SLC35F3: variants seen among roughly 807,000 people sequenced by gnomAD.
SLC35F3 encodes putative thiamine transporter SLC35F3.
A neutral mutation model predicts 49.9 loss-of-function variants in SLC35F3; 25 were observed. The ratio of observed to expected loss-of-function variants is 0.50; its 90% confidence interval spans 0.37 to 0.70. The LOEUF (loss-of-function observed/expected upper bound fraction) is 0.70, where lower values mean the gene tolerates loss of function less well. Ranked by LOEUF, SLC35F3 falls within the 30% of genes least tolerant of loss-of-function variation. SLC35F3 has a pLI of 0.00. For missense variants in SLC35F3, 525 were observed against 639.8 expected, an observed-to-expected ratio of 0.82 and a Z score of 1.94; for synonymous variants, 275 against 265.4, an observed-to-expected ratio of 1.04 and a Z score of -0.35.
intron 3 of SLC35F3, chr1:234,285,346 A>T: frequency 4.1e-6 from 2 of 483,728 alleles, no homozygotes; most frequent in Admixed American, 4.3e-5. Flanking sequence ...CGCAGGGTTC[A>T]GATGAGGCCA....
intron 2 of SLC35F3, among the ~76,000 whole-genome samples, chr1:234,225,761 C>T (rs1039627628): frequency 2.0e-5 from 3 of 152,140 alleles, no homozygotes; most frequent in South Asian, 2.1e-4. Flanking sequence ...CACAGCAGCC[C>T]CAAACTGAAA....
rs543883480 is a variant in SLC35F3 at position 233,944,819 on chromosome 1, C to G, written c.283+39061C>G. Among the ~76,000 whole-genome samples, 6 of 151,944 alleles carry G rather than the reference C, an allele frequency of 3.9e-5. No homozygotes were observed. The South Asian group carries it at 8.3e-4, about 21-fold the overall frequency. On this transcript the variant is annotated intron_variant, in intron 2 of 7. Coordinates refer to ENST00000366618, the MANE Select transcript of SLC35F3 (RefSeq NM_173508.4). ...GTCTATTGCCAAGAAGCTTGTAAAACCAGCTGCAAAGTTAATGATAAACGA... is the reference window on the plus strand; with the variant it reads ...GTCTATTGCCAAGAAGCTTGTAAAAGCAGCTGCAAAGTTAATGATAAACGA...
At chr1:233,990,285 G>T (rs1663332314) in intron 2 of SLC35F3, among the ~76,000 whole-genome samples, 1 of 152,144 alleles carries the variant, frequency 6.6e-6, no homozygotes, top group Admixed American at 6.5e-5. Flanking sequence ...TTATTTTAGT[G>T]TTTGGAGTGT....
intron 2 of SLC35F3, among the ~76,000 whole-genome samples, chr1:234,106,867 A>G (rs1665292099): frequency 6.6e-6 from 1 of 152,204 alleles, no homozygotes; most frequent in African/African-American, 2.4e-5. Flanking sequence ...GGCAGAATGA[A>G]GAACATTGGT....
chr1:234,239,026 AGCCATTTAAATAACT>A (rs1347864459), intron 3 of SLC35F3, among the ~76,000 whole-genome samples: 1 of 152,250 alleles, frequency 6.6e-6, no homozygotes, highest in African/African-American at 2.4e-5. Context: ...GAAGAATAAC[AGCCATTTAAATAACT>A]GCCATATGAG....
At chr1:234,242,348 G>A (rs1379188852) in intron 3 of SLC35F3, among the ~76,000 whole-genome samples, 2 of 152,186 alleles carry the variant, frequency 1.3e-5, no homozygotes, top group Non-Finnish European at 2.9e-5. Context: ...TCCACAAGGA[G>A]GGTCCCTAGG....
intron 3 of SLC35F3, among the ~76,000 whole-genome samples, chr1:234,247,440 T>C (rs1257836481): frequency 6.6e-6 from 1 of 151,890 alleles, no homozygotes; most frequent in Non-Finnish European, 1.5e-5. Flanking sequence ...GGTTGGTCCA[T>C]TGTTTGGTGG....
At chr1:234,087,619 C>T (rs2102875625) in intron 2 of SLC35F3, among the ~76,000 whole-genome samples, 1 of 152,330 alleles carries the variant, frequency 6.6e-6, no homozygotes, top group Middle Eastern at 3.4e-3. Context: ...ATTCATCAGA[C>T]AACAGCTTTG....
intron 2 of SLC35F3, among the ~76,000 whole-genome samples, chr1:234,052,361 C>G (rs983577646): frequency 6.6e-6 from 1 of 152,128 alleles, no homozygotes; most frequent in Admixed American, 6.5e-5. Flanking sequence ...CTGGTTTAGT[C>G]TTGGGAGGGT....
In SLC35F3 at chr1:233,980,035, G is replaced by T. The variant is rs138771156; in HGVS notation, c.283+74277G>T. 1.6e-3 allele frequency among the ~76,000 whole-genome samples: 247 copies of T among 152,318 alleles called. 2 individuals are homozygous for T. The highest frequency in any genetic ancestry group is 6.8e-3 in the Middle Eastern group (2 of 294). ...ATATAGCCAGGCTTCCTGGCAGGAG[G>T]TAGAGAGGACTGGTATGTTTGAGTT... On this transcript the variant is annotated intron_variant, in intron 2 of 7. Transcript: ENST00000366618.
intron 2 of SLC35F3, among the ~76,000 whole-genome samples, chr1:234,201,177 T>C (rs1358002252): frequency 6.6e-6 from 1 of 152,214 alleles, no homozygotes; most frequent in Non-Finnish European, 1.5e-5. Flanking sequence ...CCAGTGTGAT[T>C]TGATCACTAC....
intron 2 of SLC35F3, chr1:234,026,804 T>A (rs12132984): frequency 0.33 from 49,642 of 152,082 alleles, 9,578 homozygotes; most frequent in Non-Finnish European, 0.45. Context: ...ATGGGAAAAT[T>A]AAATCTGTAC....
At chr1:234,000,994 A>C (rs760469406) in intron 2 of SLC35F3, among the ~76,000 whole-genome samples, 6 of 152,240 alleles carry the variant, frequency 3.9e-5, no homozygotes, top group Admixed American at 2.0e-4. Context: ...TTACGCCAAG[A>C]GGCAGGAGTA....
intron 2 of SLC35F3, among the ~76,000 whole-genome samples, chr1:233,926,466 A>G (rs1662162050): frequency 2.0e-5 from 3 of 152,078 alleles, no homozygotes; most frequent in Admixed American, 2.0e-4. Context: ...TTCTCATGCC[A>G]TAGTTTTCAT....
chr1:234,285,458 T>G, intron 3 of SLC35F3: 1 of 411,474 alleles, frequency 2.4e-6, no homozygotes, highest in Non-Finnish European at 4.8e-6. Context: ...TTCAGCAAGT[T>G]GCAACAGTAA....
At chr1:233,989,094 G>A (rs1236910098) in intron 2 of SLC35F3, among the ~76,000 whole-genome samples, 2 of 152,206 alleles carry the variant, frequency 1.3e-5, no homozygotes, top group African/African-American at 2.4e-5. Flanking sequence ...GATGGTCACA[G>A]ATTACACATA....
chr1:234,119,479 G>A (rs911786982), intron 2 of SLC35F3, among the ~76,000 whole-genome samples: 7 of 152,230 alleles, frequency 4.6e-5, no homozygotes, highest in Admixed American at 2.6e-4. Context: ...TGGGTCCGCC[G>A]TTGGATAGAC....
At chr1:233,964,794 G>A (rs550801564) in intron 2 of SLC35F3, among the ~76,000 whole-genome samples, 26 of 152,288 alleles carry the variant, frequency 1.7e-4, no homozygotes, top group Admixed American at 1.3e-3. Flanking sequence ...TGAGGGCTGT[G>A]CCATCCTGGG....
chr1:234,301,138 TAA>T (rs1486300071), intron 3 of SLC35F3, among the ~76,000 whole-genome samples: 3 of 152,166 alleles, frequency 2.0e-5, no homozygotes, highest in African/African-American at 7.2e-5. Flanking sequence ...TCAGATTTTT[TAA>T]AGTGTCCTGA....
Sources: allele counts gnomAD v4.1 joint callset (sites outside exome capture counted in the v4.1 genomes callset), GRCh38; gene constraint gnomAD v4.1.1; transcripts MANE v1.5; gene names NCBI Gene and HGNC (gene_info 2026-07-23, HGNC 2026-07-21).